PIAS2: variants seen among roughly 807,000 people sequenced by gnomAD.
The protein encoded by PIAS2 is E3 SUMO-protein ligase PIAS2.
In PIAS2, 19 loss-of-function variants were observed where a neutral mutation model predicts 69.7. The observed-to-expected ratio is 0.27, with a 90% CI of 0.19 to 0.40. The LOEUF (loss-of-function observed/expected upper bound fraction) is 0.40. Ranked by LOEUF, PIAS2 falls within the 10% of genes least tolerant of loss-of-function variation. PIAS2 has a pLI of 1.00. For missense variants in PIAS2, 624 were observed against 757.0 expected (o/e 0.82, Z 2.06); for synonymous variants, 261 against 263.2 (o/e 0.99, Z 0.08).
chr18:46,861,064 G>C (rs998194681), intron 3 of PIAS2, among the ~76,000 whole-genome samples: 4 of 152,132 alleles, frequency 2.6e-5, no homozygotes, highest in Non-Finnish European at 4.4e-5. Flanking sequence ...CGGATCACCT[G>C]AGGTCAAGAG....
chr18:46,865,993 G>A (rs762977913), intron 2 of PIAS2, among the ~76,000 whole-genome samples: 8 of 152,152 alleles, frequency 5.3e-5, no homozygotes, highest in East Asian at 1.9e-4. Context: ...ATGTAATAAC[G>A]TGTATTTTGA....
intron 9 of PIAS2, among the ~76,000 whole-genome samples, chr18:46,834,826 G>C (rs2044196062): frequency 6.6e-6 from 1 of 152,222 alleles, no homozygotes; most frequent in Admixed American, 6.5e-5. Flanking sequence ...TGCTAAGAGG[G>C]CTGAGAAGTG....
Position 46,864,569 on chromosome 18 carries a change from G to A in PIAS2, c.500-321C>T, listed in dbSNP as rs998072181. On this transcript the variant is annotated intron_variant, in intron 2 of 13. Transcript: ENST00000585916. Reference sequence around the variant, plus strand: ...GTGGATCACCTGAGGTCGCAAGTTCGAGACCAGCCTGACCAACATGGAGAA... The same window carrying A: ...GTGGATCACCTGAGGTCGCAAGTTCAAGACCAGCCTGACCAACATGGAGAA... Among the ~76,000 whole-genome samples the A allele has an allele frequency of 5.3e-5, 8 of 152,166 alleles. 1 individual carries two copies. The highest frequency in any genetic ancestry group is 4.6e-4 in the Admixed American group (7 of 15,284).
chr18:46,876,417 T>G (rs1409107705), intron 2 of PIAS2, among the ~76,000 whole-genome samples: 1 of 152,174 alleles, frequency 6.6e-6, no homozygotes, highest in African/African-American at 2.4e-5. Context: ...TTACATCTAT[T>G]ACAACCAGCA....
chr18:46,828,773 C>A (rs2043167892), intron 10 of PIAS2, among the ~76,000 whole-genome samples: 1 of 152,214 alleles, frequency 6.6e-6, no homozygotes, highest in Non-Finnish European at 1.5e-5. Context: ...GACAGTCTCA[C>A]ATACCATATT....
chr18:46,821,133 G>A (rs1466767985), intron 11 of PIAS2, 61 bp from the exon 12 acceptor site: 1 of 1,562,206 alleles, frequency 6.4e-7, no homozygotes, highest in African/African-American at 1.4e-5. Flanking sequence ...GGAGAGAAGA[G>A]CTGCACCACT....
intron 1 of PIAS2, among the ~76,000 whole-genome samples, chr18:46,900,714 A>G (rs2055690876): frequency 6.6e-6 from 1 of 151,658 alleles, no homozygotes; most frequent in Non-Finnish European, 1.5e-5. Flanking sequence ...AGTGGCTCAC[A>G]CCTGTAATCT....
intron 1 of PIAS2, 39 bp downstream of exon 1, chr18:46,917,283 T>TC: frequency 2.1e-6 from 3 of 1,447,038 alleles, no homozygotes; most frequent in Non-Finnish European, 1.8e-6. Flanking sequence ...TCCTCTCCCA[T>TC]CCCCTCCCCC....
intron 9 of PIAS2, among the ~76,000 whole-genome samples, chr18:46,830,845 A>T (rs11876526): frequency 1.2e-3 from 179 of 152,284 alleles, no homozygotes; most frequent in African/African-American, 4.0e-3. Flanking sequence ...AACTCATTGT[A>T]CAAGGTCAGC....
At chr18:46,910,359 T>C (rs1432305223) in intron 1 of PIAS2, among the ~76,000 whole-genome samples, 1 of 152,192 alleles carries the variant, frequency 6.6e-6, no homozygotes, top group Non-Finnish European at 1.5e-5. Context: ...GGTAATTATA[T>C]GTATGTTTGT....
Position 46,846,794 on chromosome 18 carries a change from T to A in PIAS2, c.774A>T (p.Gly258=), listed in dbSNP as rs1344868417. 3.7e-6 allele frequency: 6 copies of A among 1,612,918 alleles called. No homozygotes were observed. Among genetic ancestry groups the A allele is most frequent in the Non-Finnish European group, 5.1e-6 (6 of 1,179,428 alleles). The change falls in exon 6 of 14, where the codon GGA becomes GGT. Residue 258 remains glycine, a synonymous_variant. Transcript: ENST00000585916. ...CTAAAGATGTAATATTCAAGGGGCG[T>A]CCAGGGCGCTTCTGTTCAATCCCAT... ...PKNGIEQKRP[G]RPLNITSLVR... is the part of the protein sequence containing the mutation.
intron 2 of PIAS2, among the ~76,000 whole-genome samples, chr18:46,883,602 G>C (rs955430713): frequency 6.6e-6 from 1 of 152,140 alleles, no homozygotes; most frequent in African/African-American, 2.4e-5. Context: ...ACTTTGGGAA[G>C]CTGAGGCAGG....
chr18:46,832,614 G>T (rs892868678), intron 9 of PIAS2, among the ~76,000 whole-genome samples: 3 of 151,998 alleles, frequency 2.0e-5, no homozygotes, highest in Non-Finnish European at 2.9e-5. Context: ...TAACTGGCCG[G>T]ATGTGGTGAC....
At chr18:46,820,236 C>A (rs189103096) in intron 12 of PIAS2, among the ~76,000 whole-genome samples, 30 of 152,124 alleles carry the variant, frequency 2.0e-4, no homozygotes, top group Non-Finnish European at 4.0e-4. Flanking sequence ...AATAATGGCA[C>A]CAAAGTGATG....
chr18:46,858,682 A>T (rs1246122224), intron 3 of PIAS2, among the ~76,000 whole-genome samples: 1 of 152,230 alleles, frequency 6.6e-6, no homozygotes, highest in Admixed American at 6.5e-5. Context: ...TGGGTGACAG[A>T]GCAAGACCCT....
intron 8 of PIAS2, among the ~76,000 whole-genome samples, chr18:46,841,937 T>C (rs559224452): frequency 1.3e-5 from 2 of 152,330 alleles, no homozygotes; most frequent in East Asian, 3.9e-4. Flanking sequence ...TTCACTATTA[T>C]TGAAAGTTTG....
At chr18:46,852,016 T>A (rs2051851014) in intron 5 of PIAS2, among the ~76,000 whole-genome samples, 1 of 152,198 alleles carries the variant, frequency 6.6e-6, no homozygotes, top group South Asian at 2.1e-4. Flanking sequence ...GGCTTGTTGA[T>A]GCTTCTTAAA....
rs2040949134 is a variant in PIAS2 at position 46,810,790 on chromosome 18, ACCAACTCT to A, written c.*1635_*1642del. ...GGACAAGTCAGCTCCTTGGAGCTGC[ACCAACTCT>A]TAAGTAGGATGTCCCTATTCTAACG... On this transcript the variant is annotated 3_prime_UTR_variant, in exon 14 of 14. Transcript: ENST00000585916. The A allele has an allele frequency of 6.6e-6, 1 of 151,506 alleles. No individual in the cohort carries two copies. The highest frequency in any genetic ancestry group is 1.5e-5 in the Non-Finnish European group (1 of 67,894). The allele number at this position is 151,506 out of a possible 1,614,324, so 9.4% of individuals were successfully genotyped here.
Position 46,843,949 on chromosome 18 carries a change from C to T in PIAS2, c.1041+105G>A, listed in dbSNP as rs975604828. 3 of 622,692 alleles carry T rather than the reference C, an allele frequency of 4.8e-6. No homozygotes were observed. The African/African-American group carries it at 5.7e-5, about 12-fold the overall frequency. The allele number at this position is 622,692 out of a possible 1,614,324, so 38.6% of individuals were successfully genotyped here. A position where few individuals can be genotyped will look rare whatever the true frequency, so the allele number is the denominator to read the frequency against. ...TCCTTAATGGGAAAAGACAAAAGTT[C>T]AGCATTCTTCATAATATATCATTCA... On this transcript the variant is annotated intron_variant, in intron 8 of 13. Coordinates refer to ENST00000585916, the MANE Select transcript of PIAS2 (RefSeq NM_004671.5).
Sources: gnomAD v4.1 joint callset for allele counts (sites outside exome capture counted in the v4.1 genomes callset) on GRCh38, gnomAD v4.1.1 for gene constraint, MANE v1.5 for transcripts, NCBI Gene and HGNC (gene_info 2026-07-23, HGNC 2026-07-21) for gene names.